Variants in GLIS3 observed in about 807,000 individuals in gnomAD.
GLIS3 encodes the protein zinc finger protein GLIS3.
GLIS3 carries 53 observed loss-of-function variants against 78.6 expected under a neutral mutation model. The ratio of observed to expected loss-of-function variants is 0.67; its 90% CI spans 0.54 to 0.85. The LOEUF (loss-of-function observed/expected upper bound fraction) is 0.85, where lower values mean the gene tolerates loss of function less well. Ranked by LOEUF, GLIS3 falls within the 40% of genes least tolerant of loss-of-function variation. The probability of loss-of-function intolerance (pLI) is 0.00; values close to 1 mark genes in which losing one functional copy is unlikely to be tolerated. For synonymous variants in GLIS3, 684 were observed against 509.9 expected (o/e 1.34, Z -4.60); for missense variants, 1,703 against 1,231.1 (o/e 1.38, Z -5.74).
chr9:4,343,428 G>C (rs556032262), intron 2 of GLIS3, among the ~76,000 whole-genome samples: 82 of 152,204 alleles, frequency 5.4e-4, no homozygotes, highest in Non-Finnish European at 1.1e-3. Flanking sequence ...TGCTGCGAGA[G>C]TTGTGGAGAA....
chr9:4,465,904 G>C, the GLIS3 span, among the ~76,000 whole-genome samples: 1 of 152,196 alleles, frequency 6.6e-6, no homozygotes, highest in Non-Finnish European at 1.5e-5. Flanking sequence ...TGCATTTGAA[G>C]TTGATAGAAA....
At chr9:4,369,338 A>G in the GLIS3 span, among the ~76,000 whole-genome samples, 3 of 152,202 alleles carry the variant, frequency 2.0e-5, no homozygotes, top group African/African-American at 7.2e-5. Flanking sequence ...TGGAATAAAA[A>G]TATTTAACCT....
chr9:4,059,541 A>G (rs1826445786), intron 4 of GLIS3, among the ~76,000 whole-genome samples: 1 of 152,192 alleles, frequency 6.6e-6, no homozygotes, highest in South Asian at 2.1e-4. Context: ...TTTCTAGCCT[A>G]TTCTTGGCCT....
intron 4 of GLIS3, among the ~76,000 whole-genome samples, chr9:4,051,445 C>A (rs900002028): frequency 1.3e-5 from 2 of 152,004 alleles, no homozygotes; most frequent in Admixed American, 6.6e-5. Context: ...GTATCTAAGC[C>A]TAAATGTATC....
At chr9:4,237,693 C>G (rs984279061) in intron 2 of GLIS3, among the ~76,000 whole-genome samples, 10 of 152,052 alleles carry the variant, frequency 6.6e-5, no homozygotes, top group African/African-American at 2.4e-4. Context: ...TTGATTCACC[C>G]TCTCATTAAT....
At chr9:3,944,776 C>G (rs1428883607) in intron 4 of GLIS3, among the ~76,000 whole-genome samples, 1 of 152,198 alleles carries the variant, frequency 6.6e-6, no homozygotes, top group Non-Finnish European at 1.5e-5. Context: ...GAACTGAATA[C>G]CACAGACTGG....
At chr9:4,043,503 T>C (rs1172873213) in intron 4 of GLIS3, among the ~76,000 whole-genome samples, 2 of 151,922 alleles carry the variant, frequency 1.3e-5, no homozygotes, top group East Asian at 3.9e-4. Context: ...AGTCAGTCTG[T>C]AGGAAGGGCT....
intron 4 of GLIS3, among the ~76,000 whole-genome samples, chr9:4,019,618 A>G (rs918568634): frequency 3.9e-5 from 6 of 152,160 alleles, no homozygotes; most frequent in African/African-American, 1.4e-4. Flanking sequence ...AGCCTATAGC[A>G]TGCTACACAC....
chr9:4,456,630 G>C, the GLIS3 span, among the ~76,000 whole-genome samples: 1 of 152,200 alleles, frequency 6.6e-6, no homozygotes, highest in East Asian at 1.9e-4. Context: ...CTTTCAACAT[G>C]CCTTCCTCAC....
chr9:4,212,320 A>G (rs757841539), intron 2 of GLIS3, among the ~76,000 whole-genome samples: 27 of 152,194 alleles, frequency 1.8e-4, no homozygotes, highest in Non-Finnish European at 2.2e-4. Context: ...TTTCACAGCC[A>G]CACTTGTAGT....
At chr9:4,249,985 G>C (rs1159706472) in intron 2 of GLIS3, among the ~76,000 whole-genome samples, 1 of 152,180 alleles carries the variant, frequency 6.6e-6, no homozygotes, top group African/African-American at 2.4e-5. Context: ...GACCGTGGTG[G>C]ATAAGCTTTT....
chr9:3,846,696 C>T (rs1819065852), intron 9 of GLIS3, among the ~76,000 whole-genome samples: 1 of 152,198 alleles, frequency 6.6e-6, no homozygotes. Flanking sequence ...CCCTCTTCCA[C>T]AGGGCTGCCA....
chr9:4,195,172 C>A (rs1031319285), intron 2 of GLIS3, among the ~76,000 whole-genome samples: 3 of 152,248 alleles, frequency 2.0e-5, no homozygotes, highest in Non-Finnish European at 4.4e-5. Flanking sequence ...CTCAGCGCCT[C>A]CTCGGCCTCG....
chr9:4,088,840 C>G (rs1396458408), intron 4 of GLIS3, among the ~76,000 whole-genome samples: 2 of 152,214 alleles, frequency 1.3e-5, no homozygotes, highest in African/African-American at 4.8e-5. Context: ...TATTTCTTTT[C>G]AAAAGTTGAG....
At chr9:3,979,919 G>A (rs1174057540) in intron 4 of GLIS3, among the ~76,000 whole-genome samples, 2 of 152,152 alleles carry the variant, frequency 1.3e-5, no homozygotes, top group Admixed American at 1.3e-4. Context: ...GGAGCAGACC[G>A]ACAGCAGAAT....
intron 2 of GLIS3, among the ~76,000 whole-genome samples, chr9:4,186,537 T>C (rs1181507402): frequency 6.6e-6 from 1 of 151,748 alleles, no homozygotes; most frequent in Non-Finnish European, 1.5e-5. Flanking sequence ...CTGGGTCAAA[T>C]GGTATTCCTA....
chr9:4,199,213 G>T (rs974965765), intron 2 of GLIS3, among the ~76,000 whole-genome samples: 3 of 152,100 alleles, frequency 2.0e-5, no homozygotes, highest in East Asian at 3.9e-4. Flanking sequence ...TCACATCTCA[G>T]TATTAACCCT....
chr9:3,967,984 A>C (rs958379498), intron 4 of GLIS3, among the ~76,000 whole-genome samples: 1 of 152,196 alleles, frequency 6.6e-6, no homozygotes, highest in Non-Finnish European at 1.5e-5. Flanking sequence ...TATCTTCAAA[A>C]ACTGGAATTA....
At chr9:4,432,272 G>A in the GLIS3 span, among the ~76,000 whole-genome samples, 1 of 152,188 alleles carries the variant, frequency 6.6e-6, no homozygotes, top group African/African-American at 2.4e-5. Flanking sequence ...AGTACCTTTA[G>A]TACTTACAGG....
Sources: allele counts gnomAD v4.1 joint callset (sites outside exome capture counted in the v4.1 genomes callset), GRCh38; gene constraint gnomAD v4.1.1; transcripts MANE v1.5; gene names NCBI Gene and HGNC (gene_info 2026-07-23, HGNC 2026-07-21).